MCC: variants seen among roughly 807,000 people sequenced by gnomAD.
MCC encodes MCC regulator of Wnt signaling pathway.
In MCC, 90 loss-of-function variants were observed where a neutral mutation model predicts 116.2. The observed-to-expected ratio is 0.77, with a 90% CI of 0.65 to 0.92. MCC has a LOEUF of 0.92. Among genes scored for constraint, MCC ranks in the 40% least tolerant of loss-of-function variants. The probability of loss-of-function intolerance (pLI) is 0.00; values close to 1 mark genes in which losing one functional copy is unlikely to be tolerated. For synonymous variants in MCC, 578 were observed against 510.5 expected (o/e 1.13, Z -1.78); for missense variants, 1,516 against 1,312.2 (o/e 1.16, Z -2.40).
At chr5:113,325,624 T>C (rs1767533825) in intron 3 of MCC, among the ~76,000 whole-genome samples, 3 of 148,334 alleles carry the variant, frequency 2.0e-5, no homozygotes, top group Middle Eastern at 6.9e-3. Flanking sequence ...CTTGACTACT[T>C]TATTGAACAA....
At chr5:113,409,384 C>T (rs1769918720) in intron 1 of MCC, among the ~76,000 whole-genome samples, 1 of 151,946 alleles carries the variant, frequency 6.6e-6, no homozygotes, top group Admixed American at 6.6e-5. Flanking sequence ...CAGGGTCTTG[C>T]TCTGTTGTCC....
intron 3 of MCC, among the ~76,000 whole-genome samples, chr5:113,239,174 G>T (rs978148151): frequency 6.6e-5 from 10 of 152,114 alleles, no homozygotes; most frequent in African/African-American, 2.4e-4. Flanking sequence ...GAGAAGTTTG[G>T]ACACCATTAG....
chr5:113,447,699 C>A (rs1429226069), intron 1 of MCC, among the ~76,000 whole-genome samples: 1 of 151,992 alleles, frequency 6.6e-6, no homozygotes, highest in Admixed American at 6.6e-5. Context: ...GGCTAAAATT[C>A]AAATAAACAC....
At chr5:113,074,236 T>C (rs573231189) in intron 11 of MCC, among the ~76,000 whole-genome samples, 10 of 152,362 alleles carry the variant, frequency 6.6e-5, no homozygotes, top group Middle Eastern at 3.4e-3. Context: ...TTTGCTGTTC[T>C]GCAGCCTCCG....
At chr5:113,413,900 T>C (rs1770066072) in intron 1 of MCC, among the ~76,000 whole-genome samples, 1 of 152,256 alleles carries the variant, frequency 6.6e-6, no homozygotes, top group African/African-American at 2.4e-5. Context: ...CTTTCTCTTG[T>C]AGGCATTTAG....
chr5:113,151,267 C>A, intron 4 of MCC, 42 bp downstream of exon 4: 4 of 1,261,884 alleles, frequency 3.2e-6, no homozygotes, highest in Non-Finnish European at 4.5e-6. Flanking sequence ...ATATTTAAAA[C>A]AAAAAACAAA....
chr5:113,291,880 A>G (rs1766508958), intron 3 of MCC, among the ~76,000 whole-genome samples: 2 of 152,232 alleles, frequency 1.3e-5, no homozygotes, highest in African/African-American at 4.8e-5. Context: ...TAAATACTAA[A>G]GTTATTGCCC....
At chr5:113,252,546 C>T (rs7737951) in intron 3 of MCC, among the ~76,000 whole-genome samples, 1 of 152,082 alleles carries the variant, frequency 6.6e-6, no homozygotes, top group Admixed American at 6.5e-5. Flanking sequence ...GCTCAGGATT[C>T]CCATTGATTC....
intron 1 of MCC, among the ~76,000 whole-genome samples, chr5:113,404,526 C>T (rs1264267730): frequency 6.6e-6 from 1 of 152,210 alleles, no homozygotes; most frequent in Non-Finnish European, 1.5e-5. Flanking sequence ...CTGCAACATT[C>T]ACTGCAGTTT....
chr5:113,139,995 G>A (rs1029458050), intron 5 of MCC, among the ~76,000 whole-genome samples: 2 of 152,192 alleles, frequency 1.3e-5, no homozygotes, highest in African/African-American at 4.8e-5. Context: ...ACAACTTACA[G>A]AATGGGAGAA....
At chr5:113,292,495 A>G (rs938911239) in intron 3 of MCC, among the ~76,000 whole-genome samples, 7 of 152,200 alleles carry the variant, frequency 4.6e-5, no homozygotes, top group African/African-American at 1.7e-4. Context: ...TTTCCAGCCA[A>G]TGCAGGGACT....
chr5:113,275,066 A>G (rs1230063961), intron 3 of MCC, among the ~76,000 whole-genome samples: 1 of 152,070 alleles, frequency 6.6e-6, no homozygotes, highest in Non-Finnish European at 1.5e-5. Context: ...TACTTCCTGA[A>G]AGCCACAAAA....
At chr5:113,044,269 C>G (rs1367144005) in intron 16 of MCC, among the ~76,000 whole-genome samples, 1 of 152,146 alleles carries the variant, frequency 6.6e-6, no homozygotes, top group Non-Finnish European at 1.5e-5. Context: ...GAAGTGCAGC[C>G]CACCCCATGG....
chr5:113,248,229 TC>T (rs1322770588), intron 3 of MCC, among the ~76,000 whole-genome samples: 1 of 120,480 alleles, frequency 8.3e-6, no homozygotes, highest in Non-Finnish European at 1.6e-5. Context: ...AGACCTTGTA[TC>T]TATTTAAAAA....
intron 5 of MCC, among the ~76,000 whole-genome samples, chr5:113,136,724 G>A (rs989272466): frequency 3.3e-5 from 5 of 152,092 alleles, no homozygotes; most frequent in African/African-American, 9.7e-5. Context: ...GAATGTATCA[G>A]TTCTAGAAGT....
At chr5:113,422,867 T>C (rs1770378449) in intron 1 of MCC, among the ~76,000 whole-genome samples, 1 of 152,194 alleles carries the variant, frequency 6.6e-6, no homozygotes, top group South Asian at 2.1e-4. Flanking sequence ...CCTTGTTCCC[T>C]TTCAATGCCT....
intron 3 of MCC, among the ~76,000 whole-genome samples, chr5:113,272,693 A>G (rs1765659817): frequency 6.6e-6 from 1 of 152,198 alleles, no homozygotes; most frequent in Non-Finnish European, 1.5e-5. Context: ...ACAAAACATA[A>G]TTAGGTTCTT....
intron 1 of MCC, among the ~76,000 whole-genome samples, chr5:113,428,212 T>C (rs2150409711): frequency 6.6e-6 from 1 of 152,236 alleles, no homozygotes; most frequent in Middle Eastern, 3.4e-3. Flanking sequence ...GGATGATCTC[T>C]TAACCACAAG....
intron 8 of MCC, among the ~76,000 whole-genome samples, chr5:113,087,617 A>G (rs941540014): frequency 2.0e-5 from 3 of 151,824 alleles, no homozygotes; most frequent in Non-Finnish European, 4.4e-5. Flanking sequence ...GGTGAATTCA[A>G]CCTCCCGGTG....
Sources: allele counts gnomAD v4.1 joint callset (sites outside exome capture counted in the v4.1 genomes callset), GRCh38; gene constraint gnomAD v4.1.1; transcripts MANE v1.5; gene names NCBI Gene and HGNC (gene_info 2026-07-23, HGNC 2026-07-21).